ADAMTS6: variants seen among roughly 807,000 people sequenced by gnomAD.
ADAMTS6 encodes the protein ADAM metallopeptidase with thrombospondin type 1 motif 6.
Under a neutral mutation model 144.3 loss-of-function variants are expected in ADAMTS6, and 23 were observed. That is an observed-to-expected ratio of 0.16 (90% CI 0.11 to 0.23). The LOEUF is 0.23. ADAMTS6 is among the 10% of genes least tolerant of loss of function. The pLI is 1.00. For missense variants in ADAMTS6, 999 were observed against 1,379.6 expected (o/e 0.72, Z 4.37); for synonymous variants, 444 against 457.5 (o/e 0.97, Z 0.38).
chr5:65,299,843 T>A, intron 10 of ADAMTS6, 142 bp downstream of exon 10: 4 of 871,212 alleles, frequency 4.6e-6, no homozygotes, highest in Non-Finnish European at 6.6e-6. Context: ...AATGATATAT[T>A]AAAGTATTTA....
chr5:65,471,094 C>T lies in ADAMTS6; in HGVS notation c.146G>A (p.Arg49Lys). The T allele has an allele frequency of 6.2e-7, 1 of 1,608,822 alleles. No homozygotes were observed. Among genetic ancestry groups the T allele is most frequent in the Non-Finnish European group, 8.5e-7 (1 of 1,178,244 alleles). Residue 49 changes from arginine to lysine, a missense_variant, in exon 3 of 25, where the codon AGG becomes AAG. Physicochemically the swap from Arg to Lys is conservative, Grantham distance 26 (BLOSUM62 2). This residue lies in a region of ADAMTS6 where 252 missense variants were observed against 293.7 expected (regional missense o/e 0.86). Coordinates refer to ENST00000381055, the MANE Select transcript of ADAMTS6 (RefSeq NM_197941.4). ...GAGAAATGCTCCATTTTGATCAACC[C>T]TTATTGGAATAGTTAGCTGGTAGTG... ...LEHYQLTIPI[R>K]VDQNGAFLSF...
intron 9 of ADAMTS6, among the ~76,000 whole-genome samples, chr5:65,319,784 G>C (rs1176986095): frequency 2.1e-5 from 3 of 145,684 alleles, no homozygotes; most frequent in African/African-American, 7.5e-5. Context: ...AAGGAAGGAA[G>C]GAAGAGAGGA....
intron 11 of ADAMTS6, among the ~76,000 whole-genome samples, chr5:65,274,556 T>G: frequency 6.6e-6 from 1 of 152,196 alleles, no homozygotes; most frequent in East Asian, 1.9e-4. Flanking sequence ...TGTCACTGGT[T>G]AACTGGTCCT....
chr5:65,368,074 T>C (rs1750473423), intron 7 of ADAMTS6, among the ~76,000 whole-genome samples: 2 of 152,124 alleles, frequency 1.3e-5, no homozygotes, highest in Admixed American at 6.6e-5. Flanking sequence ...GGGCTATATT[T>C]TGAAAGGAAA....
intron 7 of ADAMTS6, among the ~76,000 whole-genome samples, chr5:65,436,189 C>T (rs952084753): frequency 1.3e-5 from 2 of 151,794 alleles, no homozygotes; most frequent in Admixed American, 6.6e-5. Context: ...ACCTAAGCAA[C>T]ATAACCTAAA....
At chr5:65,175,458 G>C (rs1214372171) in intron 22 of ADAMTS6, among the ~76,000 whole-genome samples, 3 of 151,878 alleles carry the variant, frequency 2.0e-5, no homozygotes, top group African/African-American at 7.3e-5. Context: ...ACCTATAATT[G>C]ATAATTAAAG....
intron 7 of ADAMTS6, among the ~76,000 whole-genome samples, chr5:65,355,114 T>C (rs776017055): frequency 2.6e-5 from 4 of 151,810 alleles, no homozygotes; most frequent in Non-Finnish European, 5.9e-5. Context: ...TGAAGTACTC[T>C]TGTTGTTTGT....
At chr5:65,307,496 G>C (rs1208679864) in intron 9 of ADAMTS6, among the ~76,000 whole-genome samples, 1 of 152,132 alleles carries the variant, frequency 6.6e-6, no homozygotes, top group Non-Finnish European at 1.5e-5. Context: ...TAAAACGTAG[G>C]ATCCAGAGGA....
At chr5:65,404,190 C>T (rs1458252668) in intron 7 of ADAMTS6, among the ~76,000 whole-genome samples, 1 of 151,894 alleles carries the variant, frequency 6.6e-6, no homozygotes, top group African/African-American at 2.4e-5. Flanking sequence ...TACATGTGCA[C>T]AACATGCAGG....
At chr5:65,462,565 T>C (rs1271668459) in intron 3 of ADAMTS6, among the ~76,000 whole-genome samples, 2 of 152,206 alleles carry the variant, frequency 1.3e-5, no homozygotes. Flanking sequence ...GGAGCAACGT[T>C]AAACAATGAA....
At chr5:65,275,610 T>C (rs1762471573) in intron 11 of ADAMTS6, among the ~76,000 whole-genome samples, 1 of 151,888 alleles carries the variant, frequency 6.6e-6, no homozygotes. Flanking sequence ...ACTCTTTTTC[T>C]ATAGAAGAAG....
At chr5:65,396,288 C>T (rs1753331227) in intron 7 of ADAMTS6, among the ~76,000 whole-genome samples, 7 of 152,102 alleles carry the variant, frequency 4.6e-5, no homozygotes, top group Admixed American at 4.6e-4. Context: ...GCATACAACC[C>T]TTTTAATAAT....
intron 3 of ADAMTS6, among the ~76,000 whole-genome samples, chr5:65,468,209 C>A (rs375638122): frequency 1.3e-5 from 2 of 151,764 alleles, no homozygotes; most frequent in Non-Finnish European, 1.5e-5. Context: ...TGAGGAGATA[C>A]GATTAGAAAA....
chr5:65,404,917 G>A lies in ADAMTS6; in HGVS notation c.1073+46558C>T, dbSNP rs563691650. 5.7e-4 allele frequency among the ~76,000 whole-genome samples: 86 copies of A among 152,210 alleles called. 1 individual carries two copies. The East Asian group carries it at 0.012, about 21-fold the overall frequency. On this transcript the variant is annotated intron_variant, in intron 7 of 24. Coordinates refer to ENST00000381055, the MANE Select transcript of ADAMTS6 (RefSeq NM_197941.4). ...CCAGTGATGATGAGCATTTTTTCAC[G>A]TGTCTGTTGGCTGCATAAATGTCTT...
intron 14 of ADAMTS6, among the ~76,000 whole-genome samples, chr5:65,252,028 T>C (rs1356359611): frequency 1.3e-5 from 2 of 152,216 alleles, no homozygotes; most frequent in Admixed American, 6.5e-5. Context: ...TTGTGCTTGC[T>C]ACTTTTTAAG....
In ADAMTS6 at chr5:65,351,324, C is replaced by T. The variant is rs534180801; in HGVS notation, c.1074-17239G>A. ...AAGTGATTGTCTCAAGTGACATTGA[C>T]TGTCTCAAGGGCTATACAGCATAAA... On this transcript the variant is annotated intron_variant, in intron 7 of 24. Transcript: ENST00000381055. Among the ~76,000 whole-genome samples, 14 of 152,304 alleles carry T rather than the reference C, an allele frequency of 9.2e-5. No homozygotes were observed. In the East Asian group the frequency reaches 2.5e-3, roughly 27 times the overall value.
At position 65,173,021 on chromosome 5, in the gene ADAMTS6, C is replaced by T. The variant is rs1283202691; in HGVS notation, c.2911-13G>A. On this transcript the variant is annotated splice_polypyrimidine_tract_variant and intron_variant, in intron 22 of 24. Transcript: ENST00000381055. ...ATTTTGGAGTACACTGGAAATAAAA[C>T]AAATAGTAATGAATCACGACAGTTT... The T allele has an allele frequency of 1.2e-6, 2 of 1,609,034 alleles. No homozygotes were observed. Among genetic ancestry groups the T allele is most frequent in the Admixed American group, 1.7e-5 (1 of 58,950 alleles).
intron 11 of ADAMTS6, among the ~76,000 whole-genome samples, chr5:65,280,467 T>C (rs556733315): frequency 1.3e-5 from 2 of 152,344 alleles, no homozygotes; most frequent in Admixed American, 6.5e-5. Context: ...TGTTGAATTA[T>C]AAAAAGACCT....
chr5:65,463,496 C>G (rs1364737476), intron 3 of ADAMTS6, among the ~76,000 whole-genome samples: 1 of 152,148 alleles, frequency 6.6e-6, no homozygotes, highest in Non-Finnish European at 1.5e-5. Context: ...CTATGCATGC[C>G]TGGCAAAAGC....
Sources: allele counts gnomAD v4.1 joint callset (sites outside exome capture counted in the v4.1 genomes callset), GRCh38; gene constraint gnomAD v4.1.1; regional missense constraint gnomAD v4.1.1; transcripts MANE v1.5; gene names NCBI Gene and HGNC (gene_info 2026-07-23, HGNC 2026-07-21).